The following EEIG2 variants were observed in gnomAD, a reference collection of about 807,000 sequenced individuals.
The protein encoded by EEIG2 is family with sequence similarity 102 member B.
At chr1:108,624,861 C>T in the EEIG2 span, 2 of 758,374 alleles carry the variant, frequency 2.6e-6, no homozygotes, top group Non-Finnish European at 4.5e-6. Context: ...TAAGAATCAA[C>T]AGTTTTAATT....
At chr1:108,589,379 T>C in the EEIG2 span, among the ~76,000 whole-genome samples, 1 of 152,188 alleles carries the variant, frequency 6.6e-6, no homozygotes, top group African/African-American at 2.4e-5. Context: ...TACTAAAATA[T>C]TTGAAATGTC....
chr1:108,628,672 C>G, the EEIG2 span: 4 of 1,603,244 alleles, frequency 2.5e-6, no homozygotes, highest in Non-Finnish European at 2.5e-6. Context: ...TAATTCTTTT[C>G]AAAGATGCCC....
At chr1:108,595,735 T>C in the EEIG2 span, among the ~76,000 whole-genome samples, 1 of 146,486 alleles carries the variant, frequency 6.8e-6, no homozygotes, top group Non-Finnish European at 1.5e-5. Context: ...GAGAGGGAGA[T>C]GTAATAGCTT....
At chr1:108,628,851 G>T in the EEIG2 span, 5 of 1,571,584 alleles carry the variant, frequency 3.2e-6, no homozygotes, top group Non-Finnish European at 4.3e-6. Context: ...CCAGGTTTTT[G>T]TAATCTGTGT....
At chr1:108,579,740 T>G in the EEIG2 span, among the ~76,000 whole-genome samples, 12 of 63,220 alleles carry the variant, frequency 1.9e-4, no homozygotes, top group East Asian at 3.7e-3. Context: ...GTTTTTTTGG[T>G]GTGTGTGTGT....
At chr1:108,568,611 C>A in the EEIG2 span, among the ~76,000 whole-genome samples, 1 of 152,128 alleles carries the variant, frequency 6.6e-6, no homozygotes, top group Non-Finnish European at 1.5e-5. Context: ...GGTGCTATAA[C>A]AAGGTATTTT....
At chr1:108,594,289 G>A in the EEIG2 span, among the ~76,000 whole-genome samples, 1 of 152,154 alleles carries the variant, frequency 6.6e-6, no homozygotes, top group Non-Finnish European at 1.5e-5. Context: ...TTGTAAGAAT[G>A]TATAAGAAGG....
chr1:108,561,123 G>T, the EEIG2 span, among the ~76,000 whole-genome samples: 3 of 152,216 alleles, frequency 2.0e-5, no homozygotes, highest in African/African-American at 7.2e-5. Flanking sequence ...AATGCTGGAT[G>T]AATTAGTCTT....
the EEIG2 span, among the ~76,000 whole-genome samples, chr1:108,620,695 A>T: frequency 6.6e-6 from 1 of 152,188 alleles, no homozygotes; most frequent in South Asian, 2.1e-4. Context: ...TAATATAAAT[A>T]TTATCCATAT....
the EEIG2 span, chr1:108,625,807 TGTGTGTGTGTGTGTG>T: frequency 0.014 from 1,962 of 144,912 alleles, 38 homozygotes; most frequent in African/African-American, 0.03. Context: ...TGTGTGTGTG[TGTGTGTGTGTGTGTG>T]TGTGTGGAGA....
the EEIG2 span, among the ~76,000 whole-genome samples, chr1:108,611,095 G>A: frequency 6.6e-6 from 1 of 152,146 alleles, no homozygotes; most frequent in Admixed American, 6.6e-5. Flanking sequence ...CATTCTTTTT[G>A]TACCAATTAA....
chr1:108,560,804 G>A, the EEIG2 span, among the ~76,000 whole-genome samples: 2 of 152,154 alleles, frequency 1.3e-5, no homozygotes, highest in Non-Finnish European at 1.5e-5. Flanking sequence ...CTCTAGGAAT[G>A]GGAGCAATGG....
chr1:108,579,324 A>T, the EEIG2 span, among the ~76,000 whole-genome samples: 751 of 83,634 alleles, frequency 9.0e-3, 15 homozygotes, highest in African/African-American at 0.028. Flanking sequence ...AAACCAACAA[A>T]GATCAAAAGA....
chr1:108,561,570 G>T, the EEIG2 span, among the ~76,000 whole-genome samples: 1 of 151,856 alleles, frequency 6.6e-6, no homozygotes, highest in South Asian at 2.1e-4. Context: ...TGTGGAATTG[G>T]GGCTAGAAAC....
chr1:108,632,617 A>C, the EEIG2 span, among the ~76,000 whole-genome samples: 3 of 152,324 alleles, frequency 2.0e-5, no homozygotes, highest in East Asian at 5.8e-4. Flanking sequence ...CATCCTAGCC[A>C]GACCACTTTT....
At chr1:108,612,799 A>G in the EEIG2 span, among the ~76,000 whole-genome samples, 1 of 152,236 alleles carries the variant, frequency 6.6e-6, no homozygotes, top group African/African-American at 2.4e-5. Context: ...TAATTGTAGT[A>G]TTAAATGAGA....
At chr1:108,576,460 C>A in the EEIG2 span, among the ~76,000 whole-genome samples, 1 of 125,288 alleles carries the variant, frequency 8.0e-6, no homozygotes, top group Non-Finnish European at 1.7e-5. Context: ...CCCCACCCCA[C>A]CACAGTCCCC....
chr1:108,632,111 CAAAAAAAAAAAAAA>C, the EEIG2 span, among the ~76,000 whole-genome samples: 1 of 65,380 alleles, frequency 1.5e-5, no homozygotes, highest in African/African-American at 7.2e-5. Context: ...GAGACTGTCT[CAAAAAAAAAAAAAA>C]AAAAAAAAAA....
At chr1:108,586,911 G>T in the EEIG2 span, among the ~76,000 whole-genome samples, 1 of 152,150 alleles carries the variant, frequency 6.6e-6, no homozygotes, top group Non-Finnish European at 1.5e-5. Context: ...CTCTTTGGAA[G>T]AACAAGTAAC....
Sources: allele counts gnomAD v4.1 joint callset (sites outside exome capture counted in the v4.1 genomes callset), GRCh38; gene constraint gnomAD v4.1.1; transcripts MANE v1.5; gene names NCBI Gene and HGNC (gene_info 2026-07-23, HGNC 2026-07-21).